The following GALNTL6 variants were observed in gnomAD, a reference collection of about 807,000 sequenced individuals.
The protein encoded by GALNTL6 is polypeptide N-acetylgalactosaminyltransferase like 6, also known as polypeptide N-acetylgalactosaminyltransferase-like 6.
In GALNTL6, 46 loss-of-function variants were observed where a neutral mutation model predicts 73.7. That is an observed-to-expected ratio of 0.62 (90% confidence interval 0.49 to 0.80). GALNTL6 has a LOEUF of 0.80. Among genes scored for constraint, GALNTL6 ranks in the 30% least tolerant of loss-of-function variants. The pLI is 0.00. For missense variants in GALNTL6, 604 were observed against 755.0 expected (o/e 0.80, Z 2.34); for synonymous variants, 259 against 263.7 (o/e 0.98, Z 0.17).
chr4:172,952,382 T>A, intron 10 of GALNTL6, 124 bp downstream of exon 10: 1 of 643,560 alleles, frequency 1.6e-6, no homozygotes, highest in Non-Finnish European at 2.7e-6. Flanking sequence ...AGCATTCATT[T>A]AAATCATCTC....
chr4:172,951,662 TGAGAG>T lies in GALNTL6; in HGVS notation c.1150-372_1150-368del, dbSNP rs373477209. Among the ~76,000 whole-genome samples, 69 of 152,384 alleles carry T rather than the reference TGAGAG, an allele frequency of 4.5e-4. 1 individual carries two copies. In the East Asian group the frequency reaches 7.9e-3, roughly 17 times the overall value. Reference sequence around the variant, plus strand: ...GAAATGCTTTAAGCAATTTAATGCCTGAGAGGAATGTCATTCTCTCCAGTTTCAAC... The same window carrying T: ...GAAATGCTTTAAGCAATTTAATGCCTGAATGTCATTCTCTCCAGTTTCAAC... On this transcript the variant is annotated intron_variant, in intron 9 of 12. Transcript: ENST00000506823.
intron 2 of GALNTL6, among the ~76,000 whole-genome samples, chr4:172,124,645 G>T (rs1050222116): frequency 6.6e-6 from 1 of 152,096 alleles, no homozygotes; most frequent in Non-Finnish European, 1.5e-5. Flanking sequence ...TGAAATCCTT[G>T]TTTCGTAGGC....
At chr4:172,132,500 T>A (rs1733526079) in intron 2 of GALNTL6, among the ~76,000 whole-genome samples, 1 of 152,112 alleles carries the variant, frequency 6.6e-6, no homozygotes, top group Non-Finnish European at 1.5e-5. Context: ...AGGGTTACTT[T>A]ATTAATTTCA....
intron 2 of GALNTL6, among the ~76,000 whole-genome samples, chr4:171,827,783 C>G (rs562932724): frequency 2.0e-5 from 3 of 152,212 alleles, no homozygotes; most frequent in African/African-American, 7.2e-5. Flanking sequence ...TATCTTTACT[C>G]TCAGATTCAA....
At chr4:172,190,821 G>A (rs1225455582) in intron 2 of GALNTL6, among the ~76,000 whole-genome samples, 2 of 152,364 alleles carry the variant, frequency 1.3e-5, no homozygotes, top group Admixed American at 6.5e-5. Flanking sequence ...AAAATTTGCA[G>A]TGCAGGGCTG....
At chr4:171,820,801 G>A (rs1176529158) in intron 2 of GALNTL6, among the ~76,000 whole-genome samples, 2 of 152,124 alleles carry the variant, frequency 1.3e-5, no homozygotes, top group Non-Finnish European at 2.9e-5. Context: ...TATAGAGCAT[G>A]ATAGTAGCTA....
rs11936823 is a variant in GALNTL6, at chr4:172,154,164, T to G, written c.139-75492T>G. ...ACATAAAAAATCACATGAGTTTTTTTTTTTTTTCGTTTTCCATAACTAAAA... is the reference window on the plus strand; with the variant it reads ...ACATAAAAAATCACATGAGTTTTTTGTTTTTTTCGTTTTCCATAACTAAAA... On this transcript the variant is annotated intron_variant, in intron 2 of 12. Coordinates refer to ENST00000506823, the MANE Select transcript of GALNTL6 (RefSeq NM_001034845.3). Among the ~76,000 whole-genome samples, 1,471 of 152,062 alleles carry G rather than the reference T, an allele frequency of 9.7e-3. 26 individuals are homozygous for G. Among genetic ancestry groups the G allele is most frequent in the African/African-American group, 0.033 (1,378 of 41,444 alleles).
chr4:172,318,910 C>T (rs1419072775), intron 4 of GALNTL6, among the ~76,000 whole-genome samples: 1 of 151,846 alleles, frequency 6.6e-6, no homozygotes, highest in Non-Finnish European at 1.5e-5. Flanking sequence ...TGATAAGGAT[C>T]AAATAAATAA....
At chr4:172,754,882 C>T (rs1400897684) in intron 5 of GALNTL6, among the ~76,000 whole-genome samples, 1 of 151,674 alleles carries the variant, frequency 6.6e-6, no homozygotes, top group Non-Finnish European at 1.5e-5. Context: ...GATCAAAGCT[C>T]CTTAATGAAG....
At chr4:172,936,461 T>C (rs941840743) in intron 9 of GALNTL6, among the ~76,000 whole-genome samples, 2 of 152,158 alleles carry the variant, frequency 1.3e-5, no homozygotes, top group South Asian at 2.1e-4. Flanking sequence ...AGTATTCAAA[T>C]AGGAAAAGAG....
intron 2 of GALNTL6, among the ~76,000 whole-genome samples, chr4:172,122,817 T>TG (rs1378221332): frequency 6.6e-6 from 1 of 152,182 alleles, no homozygotes; most frequent in South Asian, 2.1e-4. Flanking sequence ...ATCTCTTTCC[T>TG]GGGGGGAACC....
intron 8 of GALNTL6, among the ~76,000 whole-genome samples, chr4:172,887,191 T>G (rs1002632326): frequency 2.6e-5 from 4 of 152,234 alleles, no homozygotes; most frequent in Admixed American, 2.0e-4. Context: ...AGTGAAGTAT[T>G]CCATGGTGTA....
intron 2 of GALNTL6, among the ~76,000 whole-genome samples, chr4:171,861,859 A>G (rs1735837781): frequency 6.6e-6 from 1 of 152,184 alleles, no homozygotes; most frequent in East Asian, 1.9e-4. Context: ...CGCTTATATT[A>G]TTAATGTCTG....
intron 8 of GALNTL6, among the ~76,000 whole-genome samples, chr4:172,930,492 G>C (rs1180876145): frequency 1.3e-5 from 2 of 152,076 alleles, no homozygotes; most frequent in East Asian, 3.9e-4. Context: ...TTTTTAAATT[G>C]GCATTTTAAT....
intron 3 of GALNTL6, among the ~76,000 whole-genome samples, chr4:172,281,236 G>A (rs562489484): frequency 3.9e-5 from 6 of 152,266 alleles, no homozygotes; most frequent in Admixed American, 3.9e-4. Context: ...GTCCAAAATG[G>A]ATCAGCAGCG....
intron 2 of GALNTL6, among the ~76,000 whole-genome samples, chr4:171,898,809 C>A (rs1374704129): frequency 6.6e-6 from 1 of 151,820 alleles, no homozygotes; most frequent in Admixed American, 6.6e-5. Context: ...TGATAATGTA[C>A]AACTGCCAAA....
At chr4:172,127,123 C>T (rs1733319559) in intron 2 of GALNTL6, among the ~76,000 whole-genome samples, 1 of 152,242 alleles carries the variant, frequency 6.6e-6, no homozygotes, top group African/African-American at 2.4e-5. Context: ...AGCAGGGCCG[C>T]AGTGCAGCCA....
At chr4:172,004,605 G>A (rs1372085972) in intron 2 of GALNTL6, among the ~76,000 whole-genome samples, 7 of 151,896 alleles carry the variant, frequency 4.6e-5, no homozygotes, top group Non-Finnish European at 8.8e-5. Flanking sequence ...ATATAAGTGG[G>A]AAATTAAAGC....
At chr4:172,519,239 T>A (rs338053) in intron 5 of GALNTL6, among the ~76,000 whole-genome samples, 1 of 150,476 alleles carries the variant, frequency 6.6e-6, no homozygotes. Context: ...GTAAGATATA[T>A]TTAAGATATT....
Sources: gnomAD v4.1 joint callset for allele counts (sites outside exome capture counted in the v4.1 genomes callset) on GRCh38, gnomAD v4.1.1 for gene constraint, MANE v1.5 for transcripts, NCBI Gene and HGNC (gene_info 2026-07-23, HGNC 2026-07-21) for gene names.